The following CASP9 variants were observed in gnomAD, a reference collection of about 807,000 sequenced individuals.
The protein encoded by CASP9 is caspase 9, also known as caspase-9.
In CASP9, 29 loss-of-function variants were observed where a neutral mutation model predicts 43.5. That is an observed-to-expected ratio of 0.67 (90% CI 0.50 to 0.91). CASP9 has a LOEUF of 0.91. Among genes scored for constraint, CASP9 ranks in the 40% least tolerant of loss-of-function variants. CASP9 has a pLI of 0.00. For missense variants in CASP9, 575 were observed against 537.4 expected, an observed-to-expected ratio of 1.07 and a Z score of -0.69; for synonymous variants, 206 against 211.9, an observed-to-expected ratio of 0.97 and a Z score of 0.24.
chr1:15,510,648 A>T (rs1003524736), intron 2 of CASP9, among the ~76,000 whole-genome samples: 1 of 151,998 alleles, frequency 6.6e-6, no homozygotes. Context: ...GTGCCCAAAG[A>T]AAGAGGGAGA....
At chr1:15,507,137 G>T in intron 3 of CASP9, 62 bp from the exon 4 acceptor site, 3 of 1,600,878 alleles carry the variant, frequency 1.9e-6, no homozygotes, top group Middle Eastern at 1.7e-4. Flanking sequence ...GGACAGTCTG[G>T]AGAGGCGGGA....
At position 15,504,778 on chromosome 1, in the gene CASP9, G is replaced by C. The variant is rs1186755863; in HGVS notation, c.721-20C>G. 1.2e-6 allele frequency: 2 copies of C among 1,600,504 alleles called. No individual in the cohort carries two copies. The highest frequency in any genetic ancestry group is 1.1e-5 in the South Asian group (1 of 89,266). ...GCTGGCCTAGAAGACCAAGAACCCT[G>C]GTTACAAAACCAAGAAGTTGGAGTA... On this transcript the variant is annotated intron_variant, in intron 5 of 8. Coordinates refer to ENST00000333868, the MANE Select transcript of CASP9 (RefSeq NM_001229.5).
intron 6 of CASP9, among the ~76,000 whole-genome samples, chr1:15,502,944 T>A (rs1471460617): frequency 6.6e-6 from 1 of 152,096 alleles, no homozygotes; most frequent in Admixed American, 6.5e-5. Context: ...TTCCTGTTAC[T>A]GTTGTCCTGA....
rs550928609 is a variant in CASP9 at position 15,504,706 on chromosome 1, A to G, written c.773T>C (p.Val258Ala). 16 of 1,614,092 alleles carry G rather than the reference A, an allele frequency of 9.9e-6. No individual in the cohort carries two copies. The highest frequency in any genetic ancestry group is 1.4e-5 in the Non-Finnish European group (16 of 1,180,038). ...GAVYGTDGCP[V>A]SVEKIVNIFN... ...GATGTTCACAATCTTCTCGACCGACACAGGGCATCCATCTGTGCCGTAGAC... is the reference window on the plus strand; with the variant it reads ...GATGTTCACAATCTTCTCGACCGACGCAGGGCATCCATCTGTGCCGTAGAC... Residue 258 changes from valine (V) to alanine (A), a missense_variant, in exon 6 of 9, where the codon GTG becomes GCG. By Grantham distance (64) the Val-to-Ala change is moderately conservative. Transcript: ENST00000333868.
rs4646084 is a variant in CASP9, at chr1:15,498,972, C to T, written c.869-3520G>A. On this transcript the variant is annotated intron_variant, in intron 6 of 8. Coordinates refer to ENST00000333868, the MANE Select transcript of CASP9 (RefSeq NM_001229.5). ...CAGGATGGTCTTGATCTCCTGACCTCGTGATCTGCCCGCCTCAGCCTCCCA... is the reference window on the plus strand; with the variant it reads ...CAGGATGGTCTTGATCTCCTGACCTTGTGATCTGCCCGCCTCAGCCTCCCA... Among the ~76,000 whole-genome samples, 736 of 151,888 alleles carry T rather than the reference C, an allele frequency of 4.8e-3. 20 individuals carry two copies. Among genetic ancestry groups the T allele is most frequent in the Admixed American group, 0.045 (689 of 15,282 alleles).
upstream of CASP9, chr1:15,524,759 C>T: frequency 9.9e-7 from 1 of 1,006,174 alleles, no homozygotes; most frequent in Non-Finnish European, 1.2e-6. Flanking sequence ...GAACCTGCCA[C>T]CGCGTCACCG....
At chr1:15,508,819 T>G (rs765038704) in intron 2 of CASP9, among the ~76,000 whole-genome samples, 1 of 152,186 alleles carries the variant, frequency 6.6e-6, no homozygotes, top group South Asian at 2.1e-4. Flanking sequence ...GCTGTGCCAA[T>G]AGAAAAGGGC....
chr1:15,508,919 C>G (rs6686890), intron 2 of CASP9, among the ~76,000 whole-genome samples: 46,475 of 152,094 alleles, frequency 0.31, 7,506 homozygotes, highest in East Asian at 0.58. Context: ...ATGGCACTGG[C>G]CAGGTAGAGA....
upstream of CASP9, chr1:15,524,415 C>A (rs1274966053): frequency 2.3e-6 from 3 of 1,292,846 alleles, no homozygotes; most frequent in Non-Finnish European, 2.9e-6. Context: ...TCAGGACGCA[C>A]CTCTGCGCCT....
chr1:15,494,061 A>AC, intron 7 of CASP9, 60 bp from the exon 8 acceptor site: 1 of 1,534,366 alleles, frequency 6.5e-7, no homozygotes, highest in Non-Finnish European at 8.7e-7. Flanking sequence ...GCTCCCCACC[A>AC]CCCCTCTGGC....
chr1:15,502,626 A>G (rs1293618387), intron 6 of CASP9, among the ~76,000 whole-genome samples: 3 of 152,160 alleles, frequency 2.0e-5, no homozygotes, highest in African/African-American at 4.8e-5. Flanking sequence ...AAGGCCTTGG[A>G]AGCCCTGCTA....
At chr1:15,511,406 A>AT (rs35550418) in intron 2 of CASP9, among the ~76,000 whole-genome samples, 32,306 of 143,270 alleles carry the variant, frequency 0.23, 3,771 homozygotes, top group Non-Finnish European at 0.24. Flanking sequence ...ACCACACCTA[A>AT]TTTTTTTTTT....
At chr1:15,503,764 C>T (rs552288971) in intron 6 of CASP9, among the ~76,000 whole-genome samples, 46 of 152,302 alleles carry the variant, frequency 3.0e-4, no homozygotes, top group African/African-American at 9.6e-4. Context: ...TCTGGCAGAT[C>T]AGGCTGGAGG....
At chr1:15,524,870 C>G (rs1170836503), upstream of CASP9, 8 of 768,340 alleles carry the variant, frequency 1.0e-5, no homozygotes, top group Non-Finnish European at 1.3e-5. Context: ...CTCGCGCCGA[C>G]CCCAGAATCC....
intron 1 of CASP9, among the ~76,000 whole-genome samples, chr1:15,520,973 C>T (rs4661639): frequency 0.64 from 97,481 of 151,404 alleles, 32,861 homozygotes; most frequent in African/African-American, 0.85. Flanking sequence ...CTGGCTAACA[C>T]GGTGAAACCC....
In CASP9 at chr1:15,493,044, C is replaced by T; in HGVS notation, c.1159-9G>A. 6.2e-7 allele frequency: 1 copy of T among 1,613,930 alleles called. No homozygotes were observed. Among genetic ancestry groups the T allele is most frequent in the Non-Finnish European group, 8.5e-7 (1 of 1,180,032 alleles). On this transcript the variant is annotated splice_polypyrimidine_tract_variant and intron_variant, in intron 8 of 8. Transcript: ENST00000333868. Reference sequence around the variant, plus strand: ...GAAACAGCATTAGCGACCTGTAAGACATGACCATGGAGAGCTCTGTGAGTT... The same window carrying T: ...GAAACAGCATTAGCGACCTGTAAGATATGACCATGGAGAGCTCTGTGAGTT...
intron 1 of CASP9, among the ~76,000 whole-genome samples, chr1:15,521,696 A>G (rs769668412): frequency 2.0e-5 from 3 of 152,014 alleles, no homozygotes; most frequent in Non-Finnish European, 2.9e-5. Flanking sequence ...CTTATATCCA[A>G]TAACAGCGCA....
upstream of CASP9, chr1:15,524,570 T>A: frequency 3.4e-6 from 2 of 584,000 alleles, no homozygotes; most frequent in South Asian, 6.1e-5. Flanking sequence ...CCGCCCCGTA[T>A]CCCCGCACTG....
chr1:15,521,778 TTTTCTATCTC>T, intron 1 of CASP9, among the ~76,000 whole-genome samples: 1 of 148,926 alleles, frequency 6.7e-6, no homozygotes, highest in Non-Finnish European at 1.5e-5. Context: ...AGCTGTCTTT[TTTTCTATCTC>T]TTTCTCCTGT....
Sources: allele counts gnomAD v4.1 joint callset (sites outside exome capture counted in the v4.1 genomes callset), GRCh38; gene constraint gnomAD v4.1.1; transcripts MANE v1.5; gene names NCBI Gene and HGNC (gene_info 2026-07-23, HGNC 2026-07-21).